ASB4: variants seen among roughly 807,000 people sequenced by gnomAD.
ASB4 encodes ankyrin repeat and SOCS box protein 4.
A neutral mutation model predicts 38.6 loss-of-function variants in ASB4; 35 were observed. That is an observed-to-expected ratio of 0.91 (90% CI 0.69 to 1.20). The LOEUF is 1.20. Ranked by LOEUF, ASB4 falls within the 50% of genes most tolerant of loss-of-function variation. ASB4 has a pLI of 0.00. For missense variants in ASB4, 557 were observed against 527.2 expected, an observed-to-expected ratio of 1.06 and a Z score of -0.55; for synonymous variants, 195 against 201.3, an observed-to-expected ratio of 0.97 and a Z score of 0.26.
chr7:95,485,492 A>G (rs1399090726), upstream of ASB4, among the ~76,000 whole-genome samples: 13 of 152,260 alleles, frequency 8.5e-5, no homozygotes, highest in African/African-American at 3.1e-4. Flanking sequence ...ACAAGCTCAT[A>G]TTGCAAAATT....
At chr7:95,522,031 C>G (rs1475626341) in intron 2 of ASB4, among the ~76,000 whole-genome samples, 1 of 151,976 alleles carries the variant, frequency 6.6e-6, no homozygotes, top group Non-Finnish European at 1.5e-5. Context: ...TCAATATTTT[C>G]TGGAATTTTC....
chr7:95,524,037 C>G (rs1790699701), intron 2 of ASB4, among the ~76,000 whole-genome samples: 1 of 152,162 alleles, frequency 6.6e-6, no homozygotes, highest in Admixed American at 6.5e-5. Flanking sequence ...TCACCCATGG[C>G]TTATCGGAGT....
upstream of ASB4, among the ~76,000 whole-genome samples, chr7:95,481,498 G>A (rs917683421): frequency 1.3e-5 from 2 of 152,298 alleles, no homozygotes; most frequent in South Asian, 2.1e-4. Context: ...CAGCTGCTGA[G>A]AAAGTCAGGA....
In ASB4 at chr7:95,527,866, A is replaced by T. The variant is rs750370829; in HGVS notation, c.541A>T (p.Thr181Ser). The T allele has an allele frequency of 5.0e-6, 8 of 1,612,716 alleles. No individual in the cohort carries two copies. The East Asian group carries it at 1.1e-4, about 22-fold the overall frequency. The change falls in exon 3 of 5, where the codon ACG (threonine) becomes TCG (serine). Residue 181 changes from threonine to serine, a missense_variant. By Grantham distance (58) the Thr-to-Ser change is moderately conservative. Coordinates refer to ENST00000325885, the MANE Select transcript of ASB4 (RefSeq NM_016116.3). ...NNQDEETPLH[T>S]AAHFGLSELV... Reference sequence around the variant, plus strand: ...CCAAGATGAGGAGACGCCCTTGCACACGGCTGCCCACTTCGGCCTTTCGGA... The same window carrying T: ...CCAAGATGAGGAGACGCCCTTGCACTCGGCTGCCCACTTCGGCCTTTCGGA...
upstream of ASB4, among the ~76,000 whole-genome samples, chr7:95,484,850 A>T (rs1790062781): frequency 6.6e-6 from 1 of 151,912 alleles, no homozygotes; most frequent in African/African-American, 2.4e-5. Context: ...ACTTACAGAA[A>T]AGCTGAAAGA....
At chr7:95,471,167 C>A in the ASB4 span, among the ~76,000 whole-genome samples, 2 of 152,168 alleles carry the variant, frequency 1.3e-5, no homozygotes, top group African/African-American at 4.8e-5. Flanking sequence ...GCACCATGAC[C>A]TAGGGAGGAC....
Position 95,537,634 on chromosome 7 carries a change from C to T in ASB4, c.1156C>T (p.His386Tyr), listed in dbSNP as rs145977927. The T allele has an allele frequency of 1.2e-6, 2 of 1,613,758 alleles. No homozygotes were observed. Among genetic ancestry groups the T allele is most frequent in the Non-Finnish European group, 1.7e-6 (2 of 1,179,732 alleles). ...CTGTAACTCTCCAAGGACTCTCATG[C>T]ACTTATCGAGATGTGCCATTAGAAG... ...VCCNSPRTLM[H>Y]LSRCAIRRTL... The change falls in exon 5 of 5, where the codon CAC (histidine) becomes TAC (tyrosine). Residue 386 changes from histidine (H) to tyrosine (Y), a missense_variant. Coordinates refer to ENST00000325885, the MANE Select transcript of ASB4 (RefSeq NM_016116.3).
At chr7:95,520,722 A>G (rs1233476888) in intron 2 of ASB4, among the ~76,000 whole-genome samples, 1 of 138,114 alleles carries the variant, frequency 7.2e-6, no homozygotes, top group Non-Finnish European at 1.5e-5. Flanking sequence ...CAATACCTTT[A>G]TTAATAGTCC....
chr7:95,508,490 A>G (rs907536093), intron 2 of ASB4, among the ~76,000 whole-genome samples: 5 of 152,238 alleles, frequency 3.3e-5, no homozygotes, highest in Non-Finnish European at 7.3e-5. Flanking sequence ...GGAATTATAG[A>G]GAACAGGAAA....
At chr7:95,541,369 A>G (rs1165794661), downstream of ASB4, among the ~76,000 whole-genome samples, 1 of 152,204 alleles carries the variant, frequency 6.6e-6, no homozygotes, top group Non-Finnish European at 1.5e-5. Context: ...TGCTTTTGTC[A>G]TAATCATTAT....
At chr7:95,511,671 AAAAT>A (rs770121998) in intron 2 of ASB4, among the ~76,000 whole-genome samples, 2 of 152,074 alleles carry the variant, frequency 1.3e-5, no homozygotes, top group South Asian at 2.1e-4. Flanking sequence ...TCAAAAAAAA[AAAAT>A]AAATAAATAA....
downstream of ASB4, among the ~76,000 whole-genome samples, chr7:95,540,758 A>T (rs1236529768): frequency 6.6e-6 from 1 of 152,210 alleles, no homozygotes; most frequent in Non-Finnish European, 1.5e-5. Flanking sequence ...GGAACTAGAC[A>T]CACTTGTGTT....
Position 95,486,151 on chromosome 7 carries a change from T to A in ASB4, c.180T>A (p.Tyr60Ter). 6.2e-7 allele frequency: 1 copy of A among 1,612,980 alleles called. No individual in the cohort carries two copies. The highest frequency in any genetic ancestry group is 8.5e-7 in the Non-Finnish European group (1 of 1,179,326). ...ATGAGAATATGGTTTTGGCATCTTATAAACAAGGTAAAAACATATAGGTGT... is the reference window on the plus strand; with the variant it reads ...ATGAGAATATGGTTTTGGCATCTTAAAAACAAGGTAAAAACATATAGGTGT... ...VEDENMVLAS[Y>*]KQGYWLPSYK... Residue 60 changes from tyrosine to a stop codon, truncating the protein, a stop_gained, in exon 1 of 5, where the codon TAT becomes TAA. Coordinates refer to ENST00000325885, the MANE Select transcript of ASB4 (RefSeq NM_016116.3). LOFTEE classifies it high-confidence loss of function.
chr7:95,511,210 CCT>C (rs1473760420), intron 2 of ASB4, among the ~76,000 whole-genome samples: 1 of 152,088 alleles, frequency 6.6e-6, no homozygotes, highest in Non-Finnish European at 1.5e-5. Context: ...ACGGTGGACC[CCT>C]CTCTTTTCCA....
intron 3 of ASB4, among the ~76,000 whole-genome samples, chr7:95,532,657 A>G (rs1346653629): frequency 1.3e-5 from 2 of 152,198 alleles, no homozygotes; most frequent in Non-Finnish European, 2.9e-5. Context: ...GTTTCTGCTG[A>G]AGTGGCTTAC....
chr7:95,517,134 T>C (rs1000223077), intron 2 of ASB4, among the ~76,000 whole-genome samples: 2 of 152,240 alleles, frequency 1.3e-5, no homozygotes, highest in African/African-American at 4.8e-5. Flanking sequence ...ATTGGGTTAT[T>C]TGGCTTTTTC....
chr7:95,506,222 A>G (rs1233267936), intron 2 of ASB4, among the ~76,000 whole-genome samples: 1 of 152,172 alleles, frequency 6.6e-6, no homozygotes, highest in Non-Finnish European at 1.5e-5. Flanking sequence ...ATCTTTTCTG[A>G]AATATTTAAA....
At chr7:95,535,266 G>C (rs1212724864) in intron 3 of ASB4, among the ~76,000 whole-genome samples, 2 of 152,212 alleles carry the variant, frequency 1.3e-5, no homozygotes, top group African/African-American at 4.8e-5. Flanking sequence ...GTGATCTTTT[G>C]CTCAACAGTA....
intron 1 of ASB4, among the ~76,000 whole-genome samples, chr7:95,480,505 CA>C (rs1175380262): frequency 6.6e-6 from 1 of 152,158 alleles, no homozygotes. Flanking sequence ...GGTTAGGTCA[CA>C]AAAGATGTTG....
Sources: allele counts gnomAD v4.1 joint callset (sites outside exome capture counted in the v4.1 genomes callset), GRCh38; gene constraint gnomAD v4.1.1; transcripts MANE v1.5; gene names NCBI Gene and HGNC (gene_info 2026-07-23, HGNC 2026-07-21).